Variants in GRM1 observed in about 807,000 individuals in gnomAD.
The protein encoded by GRM1 is metabotropic glutamate receptor 1.
Under a neutral mutation model 90.9 loss-of-function variants are expected in GRM1, and 33 were observed. The ratio of observed to expected loss-of-function variants is 0.36; its 90% CI spans 0.28 to 0.49. GRM1 has a LOEUF of 0.49. GRM1 is among the 20% of genes least tolerant of loss of function. GRM1 has a pLI of 0.99. For synonymous variants in GRM1, 700 were observed against 613.2 expected (o/e 1.14, Z -2.09); for missense variants, 1,190 against 1,534.3 (o/e 0.78, Z 3.75).
At position 146,399,751 on chromosome 6, in the gene GRM1, T is replaced by TTCTCTCTCTCTC; in HGVS notation, c.2660+64_2660+75dup. 2 of 1,062,488 alleles carry TTCTCTCTCTCTC rather than the reference T, an allele frequency of 1.9e-6. No homozygotes were observed. The highest frequency in any genetic ancestry group is 1.4e-6 in the Non-Finnish European group (1 of 722,190). The allele number at this position is 1,062,488 out of a possible 1,614,324, so 65.8% of individuals were successfully genotyped here. On this transcript the variant is annotated intron_variant, in intron 7 of 7. Coordinates refer to ENST00000282753, the MANE Select transcript of GRM1 (RefSeq NM_001278064.2). The surrounding 1 kb of genome is among the most constrained non-coding windows in gnomAD (Gnocchi z 5.4). ...CTTTTCTCTTCCTTTCTCTGTCTCT[T>TTCTCTCTCTCTC]TCTCTCTCTCTCTCTCTCTCTCTTT...
At chr6:146,378,570 C>A (rs1776199205) in intron 5 of GRM1, among the ~76,000 whole-genome samples, 2 of 152,202 alleles carry the variant, frequency 1.3e-5, no homozygotes, top group African/African-American at 4.8e-5. Context: ...CAATTTCTCC[C>A]ATTTGGAATA....
chr6:146,266,100 A>G (rs1354961526), intron 2 of GRM1, among the ~76,000 whole-genome samples: 4 of 152,092 alleles, frequency 2.6e-5, no homozygotes, highest in African/African-American at 9.7e-5. Flanking sequence ...GAGGCAAGGG[A>G]ATTGCTTGAA....
intron 7 of GRM1, among the ~76,000 whole-genome samples, chr6:146,405,738 TC>T (rs1376045104): frequency 1.3e-5 from 2 of 152,168 alleles, no homozygotes; most frequent in Admixed American, 6.5e-5. Context: ...TGGGCACTAA[TC>T]CCATCCTAGG....
chr6:146,137,598 A>T (rs966918978), intron 1 of GRM1, among the ~76,000 whole-genome samples: 13 of 152,100 alleles, frequency 8.5e-5, no homozygotes, highest in African/African-American at 3.1e-4. Flanking sequence ...AGGTAATGTG[A>T]TTCCTCAATT....
At chr6:146,234,995 A>C (rs1270422927) in intron 2 of GRM1, among the ~76,000 whole-genome samples, 1 of 152,148 alleles carries the variant, frequency 6.6e-6, no homozygotes, top group African/African-American at 2.4e-5. Flanking sequence ...CTCAGTCTCC[A>C]AAAGTACTAG....
At chr6:146,238,691 G>T (rs1023968282) in intron 2 of GRM1, among the ~76,000 whole-genome samples, 4 of 151,984 alleles carry the variant, frequency 2.6e-5, no homozygotes, top group African/African-American at 9.7e-5. Context: ...CCCTATGACT[G>T]CCAAATCCCT....
intron 2 of GRM1, among the ~76,000 whole-genome samples, chr6:146,282,751 T>C (rs1782618142): frequency 6.6e-6 from 1 of 152,054 alleles, no homozygotes; most frequent in Non-Finnish European, 1.5e-5. Context: ...AAAAATGTAA[T>C]AAAAAAAGGA....
chr6:146,423,663 G>A (rs1435063026), intron 7 of GRM1, among the ~76,000 whole-genome samples: 1 of 152,116 alleles, frequency 6.6e-6, no homozygotes, highest in Non-Finnish European at 1.5e-5. Flanking sequence ...CAATTTCCGG[G>A]AGACACAGAA....
At chr6:146,110,928 G>C (rs945856005) in intron 1 of GRM1, among the ~76,000 whole-genome samples, 2 of 152,094 alleles carry the variant, frequency 1.3e-5, no homozygotes, top group African/African-American at 2.4e-5. Context: ...GAGAGAGAAG[G>C]GTTTTAAAGA....
chr6:146,170,545 A>G (rs1489190015), intron 2 of GRM1, among the ~76,000 whole-genome samples: 1 of 152,144 alleles, frequency 6.6e-6, no homozygotes, highest in African/African-American at 2.4e-5. Context: ...GTTCAAACCT[A>G]CAGTTGAGCC....
chr6:146,159,444 G>A lies in GRM1; in HGVS notation c.797G>A (p.Gly266Glu). The A allele has an allele frequency of 1.2e-6, 2 of 1,614,182 alleles. No homozygotes were observed. Among genetic ancestry groups the A allele is most frequent in the Non-Finnish European group, 1.7e-6 (2 of 1,180,022 alleles). Residue 266 changes from glycine to glutamate, a missense_variant, in exon 2 of 8, where the codon GGG becomes GAG. Physicochemically the swap from Gly to Glu is moderately conservative, Grantham distance 98 (BLOSUM62 -2). Around this residue, in one of 10 missense-constraint regions of GRM1, gnomAD observed 45 missense variants for 45.5 expected, o/e 0.99. Coordinates refer to ENST00000282753, the MANE Select transcript of GRM1 (RefSeq NM_001278064.2). ...AHSDKIYSNA[G>E]EKSFDRLLRK... is the part of the protein sequence containing the mutation. ...TCTGACAAAATCTACAGCAACGCTG[G>A]GGAGAAGAGCTTTGACCGACTCTTG...
intron 1 of GRM1, among the ~76,000 whole-genome samples, chr6:146,040,118 T>A (rs953041250): frequency 6.6e-6 from 1 of 151,740 alleles, no homozygotes; most frequent in Non-Finnish European, 1.5e-5. Flanking sequence ...AGAAAGAGTC[T>A]ACAGAAAAGG....
chr6:146,210,659 A>C (rs1441555612), intron 2 of GRM1, among the ~76,000 whole-genome samples: 2 of 152,160 alleles, frequency 1.3e-5, no homozygotes. Context: ...CTGTTGTGAA[A>C]GTTAACATCC....
At chr6:146,411,764 G>A (rs1012050915) in intron 7 of GRM1, among the ~76,000 whole-genome samples, 1 of 152,176 alleles carries the variant, frequency 6.6e-6, no homozygotes, top group Non-Finnish European at 1.5e-5. Flanking sequence ...AAAATTCAAT[G>A]TTAAGATATA....
intron 1 of GRM1, among the ~76,000 whole-genome samples, chr6:146,144,824 C>A (rs1359518637): frequency 6.6e-6 from 1 of 152,122 alleles, no homozygotes; most frequent in East Asian, 1.9e-4. Context: ...TCTGATACTC[C>A]TTAGAGGTTG....
At chr6:146,270,849 T>TTTC (rs1782095570) in intron 2 of GRM1, among the ~76,000 whole-genome samples, 2 of 91,684 alleles carry the variant, frequency 2.2e-5, no homozygotes, top group African/African-American at 9.4e-5. Flanking sequence ...CTTTCTTTCT[T>TTTC]TTTCTTTCTT....
intron 4 of GRM1, 124 bp from the exon 5 acceptor site, chr6:146,357,402 G>A: frequency 1.3e-6 from 1 of 755,330 alleles, no homozygotes; most frequent in South Asian, 1.5e-5. Flanking sequence ...CTAAAATATT[G>A]GCAGTAGCTG....
At chr6:146,373,248 G>C (rs1176987259) in intron 5 of GRM1, among the ~76,000 whole-genome samples, 1 of 152,066 alleles carries the variant, frequency 6.6e-6, no homozygotes, top group Non-Finnish European at 1.5e-5. Flanking sequence ...CTGCTATAAA[G>C]AACTACCTGC....
At chr6:146,252,230 A>T (rs1781313328) in intron 2 of GRM1, among the ~76,000 whole-genome samples, 1 of 152,208 alleles carries the variant, frequency 6.6e-6, no homozygotes, top group Non-Finnish European at 1.5e-5. Flanking sequence ...ACAAGCAAAG[A>T]TTATACATGC....
Sources: gnomAD v4.1 joint callset for allele counts (sites outside exome capture counted in the v4.1 genomes callset) on GRCh38, gnomAD v4.1.1 for gene constraint, gnomAD v4.1.1 regional missense constraint, Gnocchi (gnomAD v3.1) non-coding constraint, MANE v1.5 for transcripts, NCBI Gene and HGNC (gene_info 2026-07-23, HGNC 2026-07-21) for gene names.